The following MCU variants were observed in gnomAD, a reference collection of about 807,000 sequenced individuals.
MCU encodes the protein calcium uniporter protein, mitochondrial.
A neutral mutation model predicts 45.2 loss-of-function variants in MCU; 12 were observed. The observed-to-expected ratio is 0.27, with a 90% CI of 0.17 to 0.43. The LOEUF (loss-of-function observed/expected upper bound fraction) is 0.43, where lower values mean the gene tolerates loss of function less well. Among genes scored for constraint, MCU ranks in the 20% least tolerant of loss-of-function variants. The pLI is 1.00. For synonymous variants in MCU, 160 were observed against 165.1 expected, an observed-to-expected ratio of 0.97 and a Z score of 0.24; for missense variants, 324 against 436.7, an observed-to-expected ratio of 0.74 and a Z score of 2.30.
In MCU at chr10:72,743,362, G is replaced by A. The variant is rs1381111374; in HGVS notation, c.150+51061G>A. ...TGGGAGGCAGAGGCTGCAGTGAGCC[G>A]ATATTGTGCCACTACACTCCAGCCT... On this transcript the variant is annotated intron_variant, in intron 1 of 7. Transcript: ENST00000373053. Among the ~76,000 whole-genome samples the A allele has an allele frequency of 7.2e-5, 9 of 124,836 alleles. No homozygotes were observed. The East Asian group carries it at 1.3e-3, about 17-fold the overall frequency. The allele number at this position is 124,836 out of a possible 152,430, so 81.9% of individuals were successfully genotyped here.
At chr10:72,847,997 A>G (rs1845147212) in intron 2 of MCU, among the ~76,000 whole-genome samples, 1 of 152,182 alleles carries the variant, frequency 6.6e-6, no homozygotes, top group Non-Finnish European at 1.5e-5. Flanking sequence ...AAAGCCTATT[A>G]TGACATAGTC....
At chr10:72,731,809 A>G (rs1397597655) in intron 1 of MCU, among the ~76,000 whole-genome samples, 7 of 152,198 alleles carry the variant, frequency 4.6e-5, no homozygotes, top group African/African-American at 7.2e-5. Flanking sequence ...TGTTATTGCT[A>G]AACAATAATG....
intron 1 of MCU, among the ~76,000 whole-genome samples, chr10:72,770,686 AC>A (rs1843793015): frequency 6.6e-6 from 1 of 151,878 alleles, no homozygotes. Context: ...CTTTCAAGTT[AC>A]CTTTTGGTAT....
chr10:72,740,569 T>C (rs1230303497), intron 1 of MCU, among the ~76,000 whole-genome samples: 1 of 152,232 alleles, frequency 6.6e-6, no homozygotes, highest in Non-Finnish European at 1.5e-5. Flanking sequence ...CAATGAAGCT[T>C]CAGAATTGTG....
intron 1 of MCU, among the ~76,000 whole-genome samples, chr10:72,778,242 A>G (rs1047314294): frequency 7.2e-5 from 11 of 152,208 alleles, no homozygotes; most frequent in Non-Finnish European, 1.6e-4. Flanking sequence ...TAATGCAGCA[A>G]TATTCATAAT....
intron 1 of MCU, among the ~76,000 whole-genome samples, chr10:72,817,832 T>C (rs1844649589): frequency 6.6e-6 from 1 of 152,216 alleles, no homozygotes; most frequent in Admixed American, 6.5e-5. Flanking sequence ...TACTAGAGCC[T>C]TTAATGGAGT....
intron 1 of MCU, 152 bp downstream of exon 1, chr10:72,692,453 C>T (rs1292798851): frequency 1.4e-5 from 10 of 700,236 alleles, no homozygotes; most frequent in Non-Finnish European, 1.8e-5. Context: ...CCGTGCCCTT[C>T]AGGCGCCTGC....
At chr10:72,755,723 A>G (rs1843566230) in intron 1 of MCU, among the ~76,000 whole-genome samples, 1 of 152,200 alleles carries the variant, frequency 6.6e-6, no homozygotes, top group Non-Finnish European at 1.5e-5. Context: ...TAGATAAATG[A>G]TCATCTAAAT....
intron 1 of MCU, among the ~76,000 whole-genome samples, chr10:72,830,733 C>T (rs1419478991): frequency 1.3e-5 from 2 of 152,262 alleles, no homozygotes; most frequent in Admixed American, 1.3e-4. Flanking sequence ...GAGATCTCTG[C>T]AATTCCAAAA....
At chr10:72,805,097 CTTTCTCTTTCTTTCTTTCTTTCTTTCTT>C (rs1589469967) in intron 1 of MCU, among the ~76,000 whole-genome samples, 2 of 139,566 alleles carry the variant, frequency 1.4e-5, no homozygotes, top group African/African-American at 6.0e-5. Flanking sequence ...TTCTTTCTTT[CTTTCTCTTTCTTTCTTTCTTTCTTTCTT>C]TCTTTCTTTC....
intron 1 of MCU, among the ~76,000 whole-genome samples, chr10:72,710,121 A>G (rs1001994857): frequency 1.3e-5 from 2 of 152,062 alleles, no homozygotes; most frequent in African/African-American, 2.4e-5. Flanking sequence ...GACTACAGGC[A>G]CATGCCACCA....
chr10:72,873,180 G>A (rs1273727723), intron 6 of MCU, among the ~76,000 whole-genome samples: 8 of 151,520 alleles, frequency 5.3e-5, no homozygotes, highest in Admixed American at 1.3e-4. Context: ...CACCACGCCC[G>A]GCTAATTTTT....
chr10:72,740,397 G>A (rs896006416), intron 1 of MCU, among the ~76,000 whole-genome samples: 8 of 151,396 alleles, frequency 5.3e-5, no homozygotes, highest in African/African-American at 7.3e-5. Context: ...AAAAAAGGGT[G>A]TTATCTTCAT....
intron 6 of MCU, among the ~76,000 whole-genome samples, chr10:72,882,813 C>A (rs1441078049): frequency 6.6e-6 from 1 of 152,204 alleles, no homozygotes; most frequent in Non-Finnish European, 1.5e-5. Flanking sequence ...TACACTCCCT[C>A]CCCTTTTGAA....
At position 72,833,894 on chromosome 10, in the gene MCU, T is replaced by A. The variant is rs550553184; in HGVS notation, c.151-465T>A. ...AAGGAGAGTGAACATAAAGACCAGA[T>A]GCCTACTCAATAATAGTAAATTCTT... On this transcript the variant is annotated intron_variant, in intron 1 of 7. Transcript: ENST00000373053. Among the ~76,000 whole-genome samples, 5 of 152,314 alleles carry A rather than the reference T, an allele frequency of 3.3e-5. No individual in the cohort carries two copies. The South Asian group carries it at 1.0e-3, about 32-fold the overall frequency.
chr10:72,709,645 T>C (rs1366048495), intron 1 of MCU, among the ~76,000 whole-genome samples: 1 of 152,176 alleles, frequency 6.6e-6, no homozygotes, highest in Non-Finnish European at 1.5e-5. Flanking sequence ...TGACTAGATA[T>C]AGATATAGAT....
Position 72,821,011 on chromosome 10 carries a change from C to CA in MCU, c.151-13347dup, listed in dbSNP as rs1291071510. 9.9e-5 allele frequency among the ~76,000 whole-genome samples: 15 copies of CA among 151,974 alleles called. 1 individual carries two copies. The South Asian group carries it at 2.3e-3, about 23-fold the overall frequency. The stretch of plus-strand genomic sequence containing the variant: ...TTGAGACCAGAACTTGAATGTTGTA[C>CA]ATACAATTCTATTCCTAGATTCAGT... On this transcript the variant is annotated intron_variant, in intron 1 of 7. Transcript: ENST00000373053.
chr10:72,859,151 T>C, intron 2 of MCU, 26 bp from the exon 3 acceptor site: 1 of 1,537,360 alleles, frequency 6.5e-7, no homozygotes, highest in Non-Finnish European at 8.8e-7. Flanking sequence ...CCAATTATCA[T>C]ATGTTTGTGG....
In MCU at chr10:72,886,438, T is replaced by C. The variant is rs955451725; in HGVS notation, c.*616T>C. ...TATAACTGTTTAATAATTGACACTT[T>C]AGATTATCTCTTAATACCTTCTTAA... On this transcript the variant is annotated 3_prime_UTR_variant, in exon 8 of 8. Transcript: ENST00000373053. 5.3e-4 allele frequency: 81 copies of C among 152,422 alleles called. No homozygotes were observed. The highest frequency in any genetic ancestry group is 1.9e-3 in the African/African-American group (79 of 41,450). 9.4% of individuals were successfully genotyped at this position (152,422 alleles called of 1,614,324 possible).
Sources: allele counts gnomAD v4.1 joint callset (sites outside exome capture counted in the v4.1 genomes callset), GRCh38; gene constraint gnomAD v4.1.1; transcripts MANE v1.5; gene names NCBI Gene and HGNC (gene_info 2026-07-23, HGNC 2026-07-21).